Variants in NSD1 observed in about 807,000 individuals in gnomAD.
NSD1 encodes histone-lysine N-methyltransferase, H3 lysine-36 specific.
A neutral mutation model predicts 242.7 loss-of-function variants in NSD1; 26 were observed. That is an observed-to-expected ratio of 0.11 (90% CI 0.08 to 0.15). NSD1 has a LOEUF of 0.15. Ranked by LOEUF, NSD1 falls within the 10% of genes least tolerant of loss-of-function variation. NSD1 has a pLI of 1.00. For missense variants in NSD1, 2,495 were observed against 3,272.8 expected, an observed-to-expected ratio of 0.76 and a Z score of 5.80; for synonymous variants, 1,106 against 1,178.1, an observed-to-expected ratio of 0.94 and a Z score of 1.25.
At chr5:177,143,815 C>G (rs936982064) in intron 2 of NSD1, among the ~76,000 whole-genome samples, 1 of 132,872 alleles carries the variant, frequency 7.5e-6, no homozygotes, top group African/African-American at 2.9e-5. Flanking sequence ...GAGACAGAGT[C>G]TCTATCGCCC....
chr5:177,223,593 A>G (rs1455851531), intron 5 of NSD1, among the ~76,000 whole-genome samples: 3 of 152,106 alleles, frequency 2.0e-5, no homozygotes, highest in Admixed American at 2.0e-4. Flanking sequence ...AACAAGAGAC[A>G]GCCACCACGC....
At chr5:177,234,672 T>C (rs1765307253) in intron 5 of NSD1, among the ~76,000 whole-genome samples, 1 of 152,182 alleles carries the variant, frequency 6.6e-6, no homozygotes. Context: ...GCTGAGATCA[T>C]GCTGCTGCAC....
At chr5:177,195,571 G>A (rs375158838) in intron 3 of NSD1, among the ~76,000 whole-genome samples, 6 of 152,114 alleles carry the variant, frequency 3.9e-5, no homozygotes, top group African/African-American at 1.2e-4. Context: ...AGGGTCAAGC[G>A]ATCTTCCCTC....
intron 22 of NSD1, among the ~76,000 whole-genome samples, chr5:177,293,550 C>T (rs373278195): frequency 6.8e-6 from 1 of 147,230 alleles, no homozygotes; most frequent in Non-Finnish European, 1.5e-5. Context: ...CCCTCACCTC[C>T]TTGCTGGAAA....
chr5:177,140,278 C>T (rs1756705142), intron 2 of NSD1, among the ~76,000 whole-genome samples: 1 of 152,086 alleles, frequency 6.6e-6, no homozygotes, highest in South Asian at 2.1e-4. Context: ...AGGCTAGGTG[C>T]TTTGGATGTG....
chr5:177,269,815 T>A lies in NSD1; in HGVS notation c.5509+8T>A, dbSNP rs1460726109. On this transcript the variant is annotated splice_region_variant and intron_variant, in intron 16 of 22. Transcript: ENST00000439151. The surrounding 1 kb of genome is among the most constrained non-coding windows in gnomAD (Gnocchi z 5.1). ...ATGGGACATATAAAAAAGGTAACTT[T>A]ATCCTTTTTGTTTCTCAGGCAAACA... 2.6e-5 allele frequency: 42 copies of A among 1,606,780 alleles called. No homozygotes were observed. The highest frequency in any genetic ancestry group is 3.4e-5 in the Non-Finnish European group (40 of 1,175,306).
At chr5:177,158,054 T>C (rs931037568) in intron 2 of NSD1, among the ~76,000 whole-genome samples, 3 of 152,248 alleles carry the variant, frequency 2.0e-5, no homozygotes, top group African/African-American at 7.2e-5. Context: ...GCAGTGCTAC[T>C]GTGAAAATTT....
At position 177,296,149 on chromosome 5, in the gene NSD1, G is replaced by T. The variant is rs1395625753; in HGVS notation, c.*690G>T. The stretch of plus-strand genomic sequence containing the variant: ...TGTGCATGCGCGCACACTCACAGAG[G>T]TCTCCTCTATAGATGCAAGGGTGCT... On this transcript the variant is annotated 3_prime_UTR_variant, in exon 23 of 23. Coordinates refer to ENST00000439151, the MANE Select transcript of NSD1 (RefSeq NM_022455.5). 1 of 244,310 alleles carries T rather than the reference G, an allele frequency of 4.1e-6. No homozygotes were observed. The highest frequency in any genetic ancestry group is 8.1e-6 in the Non-Finnish European group (1 of 123,870). The allele number at this position is 244,310 out of a possible 1,614,324, so 15.1% of individuals were successfully genotyped here. A position where few individuals can be genotyped will look rare whatever the true frequency, so the allele number is the denominator to read the frequency against.
At position 177,204,206 on chromosome 5, in the gene NSD1, G is replaced by A. The variant is rs759976291; in HGVS notation, c.1150G>A (p.Val384Ile). Residue 384 changes from valine (V) to isoleucine (I), a missense_variant, in exon 4 of 23, where the codon GTC becomes ATC. This residue lies in a region of NSD1 where 65 missense variants were observed against 136.2 expected (regional missense o/e 0.48). Transcript: ENST00000439151. ...AGCCTGGGTGGCTGGAAAAGCAATCGTCATGTTTGAAGGCAGACATCAATT... is the reference window on the plus strand; with the variant it reads ...AGCCTGGGTGGCTGGAAAAGCAATCATCATGTTTGAAGGCAGACATCAATT... ...ERAWVAGKAI[V>I]MFEGRHQFEE... The A allele has an allele frequency of 9.3e-6, 15 of 1,614,010 alleles. No homozygotes were observed. The highest frequency in any genetic ancestry group is 1.1e-5 in the Non-Finnish European group (13 of 1,179,994).
At chr5:177,137,345 T>A (rs1756423414) in intron 2 of NSD1, 1 of 155,732 alleles carries the variant, frequency 6.4e-6, no homozygotes, top group South Asian at 2.0e-4. Context: ...TCAGTTTTTA[T>A]AAGAAAAACT....
At chr5:177,144,579 A>G (rs1757082202) in intron 2 of NSD1, among the ~76,000 whole-genome samples, 3 of 152,106 alleles carry the variant, frequency 2.0e-5, no homozygotes, top group Admixed American at 2.0e-4. Context: ...AGTTTATTAC[A>G]TTGTTGCTTT....
At chr5:177,133,209 C>CT (rs1333963645), upstream of NSD1, 4 of 152,650 alleles carry the variant, frequency 2.6e-5, no homozygotes, top group African/African-American at 9.6e-5. This position sits in a 1 kb window ranked among gnomAD's most constrained non-coding sequence, Gnocchi z 6.2. Context: ...ACCCAGCGGG[C>CT]TGAGGGCAGG....
rs1369525981 is a variant in NSD1 at position 177,210,852 on chromosome 5, A to C, written c.2453A>C (p.Asp818Ala). 1 of 1,614,230 alleles carries C rather than the reference A, an allele frequency of 6.2e-7. No individual in the cohort carries two copies. Among genetic ancestry groups the C allele is most frequent in the Non-Finnish European group, 8.5e-7 (1 of 1,180,046 alleles). The change falls in exon 5 of 23, where the codon GAT (aspartate) becomes GCT (alanine). Residue 818 changes from aspartate (D) to alanine (A), a missense_variant. Transcript: ENST00000439151. Reference protein sequence around the residue: ...EECSLKCCSSDTKGSPLASIS... With the variant: ...EECSLKCCSSATKGSPLASIS... ...TGCAGTTTGAAATGCTGCTCTTCTG[A>C]TACCAAAGGCTCTCCTTTGGCCAGC...
At chr5:177,241,790 T>C (rs1765893011) in intron 8 of NSD1, among the ~76,000 whole-genome samples, 1 of 152,180 alleles carries the variant, frequency 6.6e-6, no homozygotes, top group Admixed American at 6.5e-5. Context: ...CTGGTTACTC[T>C]GAGGTATATT....
At position 177,210,219 on chromosome 5, in the gene NSD1, A is replaced by G. The variant is rs1265667423; in HGVS notation, c.1820A>G (p.Asn607Ser). Residue 607 changes from asparagine to serine, a missense_variant, in exon 5 of 23, where the codon AAT becomes AGT. Transcript: ENST00000439151. ...ALISKCSREK[N>S]KPQRSLVCGS... ...ATCTCAAAGTGTTCTCGAGAGAAGA[A>G]TAAACCCCAACGAAGCCTGGTGTGT... 1 of 1,596,012 alleles carries G rather than the reference A, an allele frequency of 6.3e-7. No homozygotes were observed. Among genetic ancestry groups the G allele is most frequent in the South Asian group, 1.1e-5 (1 of 88,296 alleles).
intron 2 of NSD1, among the ~76,000 whole-genome samples, chr5:177,141,979 G>A (rs578262670): frequency 3.3e-5 from 5 of 152,044 alleles, no homozygotes; most frequent in Admixed American, 1.3e-4. Flanking sequence ...GACTACAGGC[G>A]CCCACCACCA....
At chr5:177,198,776 G>A (rs1336916511) in intron 3 of NSD1, among the ~76,000 whole-genome samples, 2 of 152,022 alleles carry the variant, frequency 1.3e-5, no homozygotes, top group Non-Finnish European at 2.9e-5. Context: ...CATATCCTTA[G>A]TGATAGTCTT....
intron 3 of NSD1, among the ~76,000 whole-genome samples, chr5:177,201,358 CTAAAAGTCAAA>C (rs1762497888): frequency 6.6e-6 from 1 of 151,664 alleles, no homozygotes; most frequent in Non-Finnish European, 1.5e-5. Flanking sequence ...TAAAAGTCAG[CTAAAAGTCAAA>C]GCTGTAATGG....
At chr5:177,170,219 G>A (rs1420047629) in intron 2 of NSD1, among the ~76,000 whole-genome samples, 3 of 151,880 alleles carry the variant, frequency 2.0e-5, no homozygotes, top group Non-Finnish European at 4.4e-5. Context: ...TGATCTGCCC[G>A]CCTCCGCCTC....
Sources: allele counts gnomAD v4.1 joint callset (sites outside exome capture counted in the v4.1 genomes callset), GRCh38; gene constraint gnomAD v4.1.1; regional missense constraint gnomAD v4.1.1; non-coding constraint Gnocchi (gnomAD v3.1); transcripts MANE v1.5; gene names NCBI Gene and HGNC (gene_info 2026-07-23, HGNC 2026-07-21).